The following ZFP30 variants were observed in gnomAD, a reference collection of about 807,000 sequenced individuals.
ZFP30 encodes zinc finger protein 30 homolog.
ZFP30 carries 16 observed loss-of-function variants against 12.3 expected under a neutral mutation model. The observed-to-expected ratio is 1.30, with a 90% CI of 0.88 to 1.98. The LOEUF is 1.98. ZFP30 is among the 30% of genes most tolerant of loss of function. The pLI, the probability that ZFP30 is intolerant of heterozygous loss-of-function variation, is 0.00. For synonymous variants in ZFP30, 172 were observed against 201.0 expected, an observed-to-expected ratio of 0.86 and a Z score of 1.22; for missense variants, 560 against 611.2, an observed-to-expected ratio of 0.92 and a Z score of 0.88.
intron 5 of ZFP30, among the ~76,000 whole-genome samples, chr19:37,639,475 T>TAATC (rs2044393207): frequency 6.6e-6 from 1 of 152,116 alleles, no homozygotes; most frequent in African/African-American, 2.4e-5. Context: ...CTCGCACCTG[T>TAATC]AATCCCCAAC....
intron 5 of ZFP30, among the ~76,000 whole-genome samples, chr19:37,641,641 C>CT (rs2044437559): frequency 1.3e-5 from 2 of 152,304 alleles, no homozygotes; most frequent in African/African-American, 4.8e-5. Context: ...TCAAAAAGCA[C>CT]TTTTACACAT....
chr19:37,640,557 T>C (rs1026820299), intron 5 of ZFP30, among the ~76,000 whole-genome samples: 1 of 151,246 alleles, frequency 6.6e-6, no homozygotes, highest in Non-Finnish European at 1.5e-5. Context: ...ATGAAAGAAG[T>C]GTTATTTCCA....
chr19:37,637,211 T>TC (rs2044347592), intron 5 of ZFP30, among the ~76,000 whole-genome samples: 1 of 151,096 alleles, frequency 6.6e-6, no homozygotes, highest in African/African-American at 2.4e-5. Context: ...TTCTTTTTTT[T>TC]TTTTTTTTTA....
rs2044279969 is a variant in ZFP30 at position 37,634,306 on chromosome 19, T to C, written c.*675A>G. ...TTCAATATTTTTGGCAAGATGTGTA[T>C]ATCTTACTGTAGCACATTAGGAGGC... is the stretch of plus-strand genomic sequence containing the variant. On this transcript the variant is annotated 3_prime_UTR_variant, in exon 6 of 6. Coordinates refer to ENST00000684514, the MANE Select transcript of ZFP30 (RefSeq NM_001320669.3). 1.3e-5 allele frequency: 2 copies of C among 152,240 alleles called. No individual in the cohort carries two copies. The highest frequency in any genetic ancestry group is 2.4e-5 in the African/African-American group (1 of 41,468). 9.4% of individuals were successfully genotyped at this position (152,240 alleles called of 1,614,324 possible). A position where few individuals can be genotyped will look rare whatever the true frequency, so the allele number is the denominator to read the frequency against.
chr19:37,651,122 C>G (rs989932636), intron 2 of ZFP30, among the ~76,000 whole-genome samples: 1 of 152,156 alleles, frequency 6.6e-6, no homozygotes. Flanking sequence ...TTGTTACCAA[C>G]TGAACTATGC....
chr19:37,631,197 T>C lies in ZFP30; in HGVS notation c.*3784A>G, dbSNP rs2044227042. 1 of 152,216 alleles carries C rather than the reference T, an allele frequency of 6.6e-6. No homozygotes were observed. The highest frequency in any genetic ancestry group is 2.4e-5 in the African/African-American group (1 of 41,464). The allele number at this position is 152,216 out of a possible 1,614,324, so 9.4% of individuals were successfully genotyped here. On this transcript the variant is annotated 3_prime_UTR_variant, in exon 6 of 6. Coordinates refer to ENST00000684514, the MANE Select transcript of ZFP30 (RefSeq NM_001320669.3). ...TCACCTGTTTTGGTTACAGCACTTA[T>C]CTGTTAAAATGGGTTCATATCCCAT...
Position 37,631,572 on chromosome 19 carries a change from A to C in ZFP30, c.*3409T>G, listed in dbSNP as rs2044232867. ...AAATCACCGAAGTCCAACTGATGCA[A>C]TCATTTATAAGAACTCTGTCTTTAT... On this transcript the variant is annotated 3_prime_UTR_variant, in exon 6 of 6. Coordinates refer to ENST00000684514, the MANE Select transcript of ZFP30 (RefSeq NM_001320669.3). 6.6e-6 allele frequency: 1 copy of C among 152,100 alleles called. No individual in the cohort carries two copies. Among genetic ancestry groups the C allele is most frequent in the African/African-American group, 2.4e-5 (1 of 41,438 alleles). The allele number at this position is 152,100 out of a possible 1,614,324, so 9.4% of individuals were successfully genotyped here. A position where few individuals can be genotyped will look rare whatever the true frequency, so the allele number is the denominator to read the frequency against.
chr19:37,653,882 A>C (rs2044701385), intron 2 of ZFP30, among the ~76,000 whole-genome samples: 1 of 152,176 alleles, frequency 6.6e-6, no homozygotes, highest in Non-Finnish European at 1.5e-5. Context: ...TATGTTACCA[A>C]TCCCTGTTCT....
intron 2 of ZFP30, among the ~76,000 whole-genome samples, chr19:37,648,626 G>A (rs538095527): frequency 6.6e-6 from 1 of 152,276 alleles, no homozygotes; most frequent in Admixed American, 6.5e-5. Flanking sequence ...CATTCAGTAC[G>A]TCTGGGATTG....
At chr19:37,647,685 G>T (rs1210690838) in intron 3 of ZFP30, 129 bp downstream of exon 3, 2 of 1,176,098 alleles carry the variant, frequency 1.7e-6, no homozygotes, top group Non-Finnish European at 2.5e-6. Flanking sequence ...TCCCGTGCTG[G>T]AATGGGGAAG....
At chr19:37,644,207 T>C (rs1049684680) in intron 4 of ZFP30, among the ~76,000 whole-genome samples, 10 of 152,196 alleles carry the variant, frequency 6.6e-5, no homozygotes, top group African/African-American at 2.2e-4. Flanking sequence ...TAGTGGTACT[T>C]ACTGTCAAAG....
At position 37,638,011 on chromosome 19, in the gene ZFP30, T is replaced by A. The variant is rs186889835; in HGVS notation, c.236-1706A>T. The stretch of plus-strand genomic sequence containing the variant: ...TCCTGCCTCCAATCTTAAACCTTAC[T>A]ACACTGATTAAACATTCTTTTTATC... On this transcript the variant is annotated intron_variant, in intron 5 of 5. Transcript: ENST00000684514. Among the ~76,000 whole-genome samples, 53 of 152,322 alleles carry A rather than the reference T, an allele frequency of 3.5e-4. 1 individual carries two copies. The highest frequency in any genetic ancestry group is 1.4e-3 in the Admixed American group (21 of 15,302).
intron 5 of ZFP30, among the ~76,000 whole-genome samples, chr19:37,637,468 C>T (rs1599612040): frequency 1.3e-5 from 2 of 151,648 alleles, no homozygotes; most frequent in South Asian, 2.1e-4. Flanking sequence ...GAATTACAGG[C>T]GTCAGCCACC....
intron 3 of ZFP30, among the ~76,000 whole-genome samples, chr19:37,646,209 T>C (rs1168928177): frequency 2.0e-5 from 3 of 152,180 alleles, no homozygotes; most frequent in Admixed American, 6.5e-5. Context: ...TTCCATACTA[T>C]CTGAGGTTTT....
intron 4 of ZFP30, among the ~76,000 whole-genome samples, chr19:37,643,824 T>G (rs1230602003): frequency 2.0e-5 from 3 of 152,222 alleles, no homozygotes; most frequent in Non-Finnish European, 4.4e-5. Context: ...AGGATATGCA[T>G]ACAATATTAA....
At position 37,636,036 on chromosome 19, in the gene ZFP30, C is replaced by T; in HGVS notation, c.505G>A (p.Val169Ile). Residue 169 changes from valine to isoleucine, a missense_variant, in exon 6 of 6, where the codon GTA becomes ATA. Transcript: ENST00000684514. ...TGATGGAAAGTAAGTTGTTGTCGTA[C>T]TCTAAAAGCCTTCCCACATTCCCCA... is the stretch of plus-strand genomic sequence containing the variant. ...ECGECGKAFR[V>I]RQQLTFHQRI... 1 of 1,613,820 alleles carries T rather than the reference C, an allele frequency of 6.2e-7. No individual in the cohort carries two copies.
At chr19:37,647,676 C>G in intron 3 of ZFP30, 138 bp downstream of exon 3, 1 of 1,032,452 alleles carries the variant, frequency 9.7e-7, no homozygotes, top group Non-Finnish European at 1.5e-6. Flanking sequence ...CTGGCTCCAT[C>G]CCGTGCTGGA....
chr19:37,634,849 C>A lies in ZFP30; in HGVS notation c.*132G>T. On this transcript the variant is annotated 3_prime_UTR_variant, in exon 6 of 6. Coordinates refer to ENST00000684514, the MANE Select transcript of ZFP30 (RefSeq NM_001320669.3). ...CTATATGTTCATTAACATATTCTTT[C>A]CTTTAAATAAAACTTCCTATGCTTA... The A allele has an allele frequency of 1.0e-6, 1 of 980,824 alleles. No homozygotes were observed. Among genetic ancestry groups the A allele is most frequent in the Non-Finnish European group, 1.4e-6 (1 of 719,344 alleles). The allele number at this position is 980,824 out of a possible 1,614,324, so 60.8% of individuals were successfully genotyped here. A position where few individuals can be genotyped will look rare whatever the true frequency, so the allele number is the denominator to read the frequency against.
Position 37,635,647 on chromosome 19 carries a change from A to G in ZFP30, c.894T>C (p.Tyr298=). The change falls in exon 6 of 6, where the codon TAT becomes TAC. Residue 298 remains tyrosine, a synonymous_variant. Transcript: ENST00000684514. The part of the protein sequence containing the change: ...HQRLNIAEKC[Y]ECKECGQAFL... ...AGGCCTGACCACATTCCTTACACTC[A>G]TAGCACTTCTCAGCAATGTTCAGTC... 41 of 1,614,150 alleles carry G rather than the reference A, an allele frequency of 2.5e-5. No homozygotes were observed. Among genetic ancestry groups the G allele is most frequent in the Non-Finnish European group, 3.5e-5 (41 of 1,180,028 alleles).
Sources: allele counts gnomAD v4.1 joint callset (sites outside exome capture counted in the v4.1 genomes callset), GRCh38; gene constraint gnomAD v4.1.1; transcripts MANE v1.5; gene names NCBI Gene and HGNC (gene_info 2026-07-23, HGNC 2026-07-21).